EIF3E: variants seen among roughly 807,000 people sequenced by gnomAD.
The protein encoded by EIF3E is eukaryotic translation initiation factor 3 subunit E, also known as eIF-3 p48.
Under a neutral mutation model 59.3 loss-of-function variants are expected in EIF3E, and 25 were observed. That is an observed-to-expected ratio of 0.42 (90% CI 0.31 to 0.59). EIF3E has a LOEUF of 0.59. Among genes scored for constraint, EIF3E ranks in the 20% least tolerant of loss-of-function variants. EIF3E has a pLI of 0.15. For missense variants in EIF3E, 317 were observed against 534.3 expected (o/e 0.59, Z 4.01); for synonymous variants, 176 against 170.2 (o/e 1.03, Z -0.26).
At chr8:108,242,191 C>A (rs757292696) in intron 1 of EIF3E, 754 of 1,326,882 alleles carry the variant, frequency 5.7e-4, no homozygotes, top group Non-Finnish European at 7.0e-4. Flanking sequence ...TTTTATGTGT[C>A]CCTACAAACC....
chr8:108,215,150 T>C (rs1456817112), intron 9 of EIF3E, among the ~76,000 whole-genome samples: 1 of 152,136 alleles, frequency 6.6e-6, no homozygotes, highest in African/African-American at 2.4e-5. Flanking sequence ...AGAGAGAATA[T>C]TTTAATTTCA....
Position 108,207,277 on chromosome 8 carries a change from C to G in EIF3E, c.1062-3774G>C, listed in dbSNP as rs190897135. Among the ~76,000 whole-genome samples the G allele has an allele frequency of 4.6e-4, 70 of 152,180 alleles. 2 individuals carry two copies. In the East Asian group the frequency reaches 0.014, roughly 29 times the overall value. ...CTTGAGCCCAGGAATTTCAGACCAG[C>G]CTGGGCAACACAGCAAGACCCTGTC... On this transcript the variant is annotated intron_variant, in intron 10 of 12. Coordinates refer to ENST00000220849, the MANE Select transcript of EIF3E (RefSeq NM_001568.3).
In EIF3E at chr8:108,214,843, G is replaced by C. The variant is rs2276142; in HGVS notation, c.952-127C>G. On this transcript the variant is annotated intron_variant, in intron 9 of 12. Coordinates refer to ENST00000220849, the MANE Select transcript of EIF3E (RefSeq NM_001568.3). ...GAGTTTTATACCACAGCACTTTCTA[G>C]AACACTGTGTTCAAATCTTTAATGA... 54 of 745,110 alleles carry C rather than the reference G, an allele frequency of 7.2e-5. No homozygotes were observed. The East Asian group carries it at 1.5e-3, about 21-fold the overall frequency. The allele number at this position is 745,110 out of a possible 1,614,324, so 46.2% of individuals were successfully genotyped here.
intron 1 of EIF3E, among the ~76,000 whole-genome samples, chr8:108,244,948 A>T (rs887905163): frequency 6.6e-6 from 1 of 151,412 alleles, no homozygotes; most frequent in African/African-American, 2.4e-5. Context: ...TGTCTATACT[A>T]CTCCCATAGC....
At chr8:108,223,670 AGTGGCAAAGCCT>A (rs1296733344) in intron 7 of EIF3E, among the ~76,000 whole-genome samples, 2 of 152,244 alleles carry the variant, frequency 1.3e-5, no homozygotes, top group Non-Finnish European at 2.9e-5. Context: ...ATCTACATTT[AGTGGCAAAGCCT>A]CATCTCCGAT....
intron 9 of EIF3E, among the ~76,000 whole-genome samples, chr8:108,215,646 G>A (rs1815288639): frequency 1.3e-5 from 2 of 151,850 alleles, no homozygotes; most frequent in Admixed American, 6.6e-5. Context: ...AAATCATCAG[G>A]GAATGGATAT....
intron 1 of EIF3E, among the ~76,000 whole-genome samples, chr8:108,245,880 G>C (rs1815938335): frequency 6.6e-6 from 1 of 152,164 alleles, no homozygotes; most frequent in Non-Finnish European, 1.5e-5. Flanking sequence ...ATATGAAACT[G>C]TTTTTCTCTT....
intron 4 of EIF3E, among the ~76,000 whole-genome samples, chr8:108,235,774 C>T (rs1193763675): frequency 6.6e-6 from 1 of 152,236 alleles, no homozygotes; most frequent in Non-Finnish European, 1.5e-5. Flanking sequence ...AATTCTACTG[C>T]TCAAAGCATT....
chr8:108,207,028 G>A (rs970356099), intron 10 of EIF3E, among the ~76,000 whole-genome samples: 4 of 152,022 alleles, frequency 2.6e-5, no homozygotes, highest in South Asian at 2.1e-4. Context: ...TTTACTTTTC[G>A]AAGTGAATCA....
intron 10 of EIF3E, among the ~76,000 whole-genome samples, chr8:108,206,942 C>T (rs779060379): frequency 6.6e-6 from 1 of 152,186 alleles, no homozygotes; most frequent in Non-Finnish European, 1.5e-5. Flanking sequence ...TCCATAAATG[C>T]CTGCACGCTC....
At chr8:108,236,315 A>C (rs1007545474) in intron 3 of EIF3E, 112 bp from the exon 4 acceptor site, 67 of 694,658 alleles carry the variant, frequency 9.6e-5, no homozygotes, top group Non-Finnish European at 1.5e-4. Context: ...TAAATACTTA[A>C]ATGTTAAAAG....
chr8:108,239,116 G>T (rs959722452), intron 3 of EIF3E, among the ~76,000 whole-genome samples: 1 of 152,194 alleles, frequency 6.6e-6, no homozygotes, highest in Admixed American at 6.5e-5. Flanking sequence ...AGTGAGCTCA[G>T]GTTTCTCTTA....
At chr8:108,231,226 T>C (rs1374386458) in intron 5 of EIF3E, among the ~76,000 whole-genome samples, 12 of 152,150 alleles carry the variant, frequency 7.9e-5, no homozygotes, top group East Asian at 5.8e-4. Context: ...TATAAAAATA[T>C]ATCATCGAGT....
At chr8:108,228,806 T>C (rs1033968695) in intron 6 of EIF3E, among the ~76,000 whole-genome samples, 5 of 152,112 alleles carry the variant, frequency 3.3e-5, no homozygotes, top group Non-Finnish European at 7.4e-5. Flanking sequence ...TCATTTTGAC[T>C]GGCATAGAAA....
chr8:108,217,487 A>C, intron 7 of EIF3E, 27 bp from the exon 8 acceptor site: 1 of 1,559,588 alleles, frequency 6.4e-7, no homozygotes, highest in Non-Finnish European at 8.7e-7. Flanking sequence ...AAGTTATTTA[A>C]TAACTTACCC....
At chr8:108,238,593 A>C (rs756019656) in intron 3 of EIF3E, among the ~76,000 whole-genome samples, 27 of 152,170 alleles carry the variant, frequency 1.8e-4, no homozygotes, top group Non-Finnish European at 3.4e-4. Context: ...GGCTGAATCC[A>C]CAGATGCAGA....
chr8:108,248,484 T>G (rs1213656321), intron 1 of EIF3E, 129 bp downstream of exon 1: 2 of 803,878 alleles, frequency 2.5e-6, no homozygotes, highest in Non-Finnish European at 4.1e-6. Context: ...AGATCCTTAG[T>G]GTCCGTCCAG....
chr8:108,246,855 A>C (rs1000409900), intron 1 of EIF3E, among the ~76,000 whole-genome samples: 1 of 152,158 alleles, frequency 6.6e-6, no homozygotes, highest in Non-Finnish European at 1.5e-5. Context: ...TCTCTAGCTT[A>C]CTTTATTGTA....
chr8:108,207,406 T>C (rs1388972081), intron 10 of EIF3E, among the ~76,000 whole-genome samples: 1 of 152,206 alleles, frequency 6.6e-6, no homozygotes, highest in Non-Finnish European at 1.5e-5. Flanking sequence ...AGGCTGTCCC[T>C]GGTGGTCTAG....
Sources: gnomAD v4.1 joint callset for allele counts (sites outside exome capture counted in the v4.1 genomes callset) on GRCh38, gnomAD v4.1.1 for gene constraint, MANE v1.5 for transcripts, NCBI Gene and HGNC (gene_info 2026-07-23, HGNC 2026-07-21) for gene names.